Variants in NEDD4 observed in about 807,000 individuals in gnomAD.
NEDD4 encodes NEDD4 E3 ubiquitin protein ligase.
NEDD4 carries 99 observed loss-of-function variants against 144.9 expected under a neutral mutation model. That is an observed-to-expected ratio of 0.68 (90% CI 0.58 to 0.81). NEDD4 has a LOEUF of 0.81. Ranked by LOEUF, NEDD4 falls within the 30% of genes least tolerant of loss-of-function variation. The pLI is 0.00. For synonymous variants in NEDD4, 318 were observed against 350.6 expected, an observed-to-expected ratio of 0.91 and a Z score of 1.04; for missense variants, 985 against 1,065.9, an observed-to-expected ratio of 0.92 and a Z score of 1.06.
In NEDD4 at chr15:55,875,991, A is replaced by T. The variant is rs1269645170; in HGVS notation, c.292-1983T>A. Among the ~76,000 whole-genome samples the T allele has an allele frequency of 2.0e-5, 3 of 152,216 alleles. No individual in the cohort carries two copies. In the East Asian group the frequency reaches 5.8e-4, roughly 29 times the overall value. Reference sequence around the variant, plus strand: ...ATTAAACGCTGAAAACAAAAGATAAACAGAAAATCTTGAAAGCAGCCTAAA... The same window carrying T: ...ATTAAACGCTGAAAACAAAAGATAATCAGAAAATCTTGAAAGCAGCCTAAA... On this transcript the variant is annotated intron_variant, in intron 5 of 28. Coordinates refer to ENST00000435532, the MANE Select transcript of NEDD4 (RefSeq NM_006154.4).
At chr15:55,832,467 TAC>T (rs1387988004) in intron 27 of NEDD4, among the ~76,000 whole-genome samples, 1 of 152,206 alleles carries the variant, frequency 6.6e-6, no homozygotes, top group Non-Finnish European at 1.5e-5. Context: ...CAGGCTGAAC[TAC>T]AGTGGTGCGA....
chr15:55,959,795 A>G (rs187005132), intron 2 of NEDD4, among the ~76,000 whole-genome samples: 1 of 152,328 alleles, frequency 6.6e-6, no homozygotes, highest in East Asian at 1.9e-4. Context: ...CATGCAAGGA[A>G]CTGAATGCCA....
chr15:55,954,425 A>G (rs2037300079), intron 2 of NEDD4, among the ~76,000 whole-genome samples: 1 of 152,238 alleles, frequency 6.6e-6, no homozygotes, highest in Non-Finnish European at 1.5e-5. Context: ...ACTATTAAAT[A>G]TAAATACAAA....
chr15:55,832,155 C>T (rs1472480980), intron 27 of NEDD4, among the ~76,000 whole-genome samples: 3 of 147,172 alleles, frequency 2.0e-5, no homozygotes, highest in Non-Finnish European at 4.5e-5. Flanking sequence ...AAATAGTAGC[C>T]TAATGAGATT....
intron 4 of NEDD4, among the ~76,000 whole-genome samples, chr15:55,936,025 T>A (rs1274808015): frequency 3.3e-5 from 5 of 152,004 alleles, no homozygotes; most frequent in Non-Finnish European, 7.4e-5. Context: ...AACCTTCTTC[T>A]ATGCTTCTTA....
At chr15:55,979,544 G>A (rs1032067390) in intron 1 of NEDD4, among the ~76,000 whole-genome samples, 1 of 150,842 alleles carries the variant, frequency 6.6e-6, no homozygotes, top group African/African-American at 2.4e-5. Flanking sequence ...TAGTAGAGAC[G>A]GGGTTTCACC....
At chr15:55,940,517 C>G (rs1472241897) in intron 4 of NEDD4, among the ~76,000 whole-genome samples, 2 of 93,312 alleles carry the variant, frequency 2.1e-5, no homozygotes, top group African/African-American at 7.2e-5. Flanking sequence ...CCTCCTCCCC[C>G]TTCTCTCTCT....
chr15:55,976,026 G>A (rs1025490632), intron 1 of NEDD4, among the ~76,000 whole-genome samples: 1 of 152,240 alleles, frequency 6.6e-6, no homozygotes, highest in Non-Finnish European at 1.5e-5. Flanking sequence ...ACACACAATG[G>A]GGAAAGGACA....
chr15:55,838,240 C>T, intron 22 of NEDD4, 60 bp from the exon 23 acceptor site: 1 of 1,180,976 alleles, frequency 8.5e-7, no homozygotes, highest in Non-Finnish European at 1.2e-6. Flanking sequence ...AAAAAGTATA[C>T]ATATTGTAGT....
intron 5 of NEDD4, among the ~76,000 whole-genome samples, chr15:55,877,079 C>T (rs2035020315): frequency 6.6e-6 from 1 of 152,106 alleles, no homozygotes; most frequent in Non-Finnish European, 1.5e-5. Context: ...ATATACTTTT[C>T]ACCCAGATCC....
At chr15:55,976,185 A>T (rs1361087350) in intron 1 of NEDD4, among the ~76,000 whole-genome samples, 4 of 152,354 alleles carry the variant, frequency 2.6e-5, no homozygotes, top group African/African-American at 9.6e-5. Flanking sequence ...TTCTTGAGTA[A>T]TACCCAAAAG....
chr15:55,878,801 A>G (rs1288007053), intron 5 of NEDD4, among the ~76,000 whole-genome samples: 1 of 152,210 alleles, frequency 6.6e-6, no homozygotes, highest in East Asian at 1.9e-4. Flanking sequence ...ATAAATCTCA[A>G]AGAAAAGTGG....
intron 5 of NEDD4, among the ~76,000 whole-genome samples, chr15:55,912,023 T>C (rs2036291970): frequency 6.6e-6 from 1 of 152,242 alleles, no homozygotes; most frequent in Admixed American, 6.5e-5. Context: ...AATTCAGCAC[T>C]CTGAATCTGT....
intron 5 of NEDD4, among the ~76,000 whole-genome samples, chr15:55,909,666 T>C (rs1220626690): frequency 6.6e-6 from 1 of 152,202 alleles, no homozygotes; most frequent in Admixed American, 6.5e-5. Context: ...TCCTGGCTTC[T>C]CCTGGTCTGT....
intron 27 of NEDD4, among the ~76,000 whole-genome samples, chr15:55,831,433 A>G (rs2032945412): frequency 6.6e-6 from 1 of 152,140 alleles, no homozygotes; most frequent in Non-Finnish European, 1.5e-5. Context: ...GGTTACATAG[A>G]AGAGAGAAGA....
At chr15:55,921,124 T>A (rs2036561437) in intron 5 of NEDD4, among the ~76,000 whole-genome samples, 1 of 152,124 alleles carries the variant, frequency 6.6e-6, no homozygotes, top group Non-Finnish European at 1.5e-5. Context: ...TTCCAAGTAT[T>A]TTCATCGTCA....
intron 8 of NEDD4, among the ~76,000 whole-genome samples, chr15:55,864,574 C>T (rs143341910): frequency 1.8e-3 from 265 of 150,832 alleles, no homozygotes; most frequent in African/African-American, 5.9e-3. Flanking sequence ...CCCAGTTATT[C>T]GGGAGGCTGA....
chr15:55,881,979 T>C (rs2035210900), intron 5 of NEDD4, among the ~76,000 whole-genome samples: 1 of 152,190 alleles, frequency 6.6e-6, no homozygotes, highest in Admixed American at 6.5e-5. Flanking sequence ...CTTTGTCAAA[T>C]ATCCCCTGGG....
intron 4 of NEDD4, among the ~76,000 whole-genome samples, chr15:55,938,776 A>G (rs1420676691): frequency 6.6e-6 from 1 of 152,014 alleles, no homozygotes; most frequent in Non-Finnish European, 1.5e-5. Flanking sequence ...CCAATAGTAA[A>G]AAAAAAACAA....
Sources: gnomAD v4.1 joint callset for allele counts (sites outside exome capture counted in the v4.1 genomes callset) on GRCh38, gnomAD v4.1.1 for gene constraint, MANE v1.5 for transcripts, NCBI Gene and HGNC (gene_info 2026-07-23, HGNC 2026-07-21) for gene names.